The following MCTP1 variants were observed in gnomAD, a reference collection of about 807,000 sequenced individuals.
MCTP1 encodes multiple C2 and transmembrane domain containing 1, also known as multiple C2 and transmembrane domain-containing protein 1.
MCTP1 carries 69 observed loss-of-function variants against 120.6 expected under a neutral mutation model. That is an observed-to-expected ratio of 0.57 (90% CI 0.47 to 0.70). MCTP1 has a LOEUF of 0.70. Ranked by LOEUF, MCTP1 falls within the 30% of genes least tolerant of loss-of-function variation. The probability of loss-of-function intolerance (pLI) is 0.00; values close to 1 mark genes in which losing one functional copy is unlikely to be tolerated. For synonymous variants in MCTP1, 529 were observed against 493.1 expected (o/e 1.07, Z -0.96); for missense variants, 1,203 against 1,248.8 (o/e 0.96, Z 0.55).
chr5:94,711,071 G>C, intron 20 of MCTP1, 144 bp from the exon 21 acceptor site: 1 of 653,936 alleles, frequency 1.5e-6, no homozygotes, highest in Non-Finnish European at 2.7e-6. Context: ...ATCAGAGGAC[G>C]CAGGCTAGCC....
chr5:94,774,534 C>T (rs1561613007), intron 19 of MCTP1, among the ~76,000 whole-genome samples: 1 of 152,112 alleles, frequency 6.6e-6, no homozygotes, highest in Non-Finnish European at 1.5e-5. Flanking sequence ...TATCAATACC[C>T]TGAATGAGTT....
intron 1 of MCTP1, among the ~76,000 whole-genome samples, chr5:95,173,151 C>G (rs1361320540): frequency 1.3e-5 from 2 of 152,106 alleles, no homozygotes; most frequent in African/African-American, 2.4e-5. Context: ...AGAGTAGTTA[C>G]TAAAACATCT....
chr5:95,258,087 CT>C (rs1758081665), intron 1 of MCTP1, among the ~76,000 whole-genome samples: 1 of 152,078 alleles, frequency 6.6e-6, no homozygotes, highest in African/African-American at 2.4e-5. Context: ...AACTTTTCAC[CT>C]TTTAAGGATA....
intron 17 of MCTP1, among the ~76,000 whole-genome samples, chr5:94,830,571 G>A (rs762498158): frequency 2.0e-4 from 31 of 152,240 alleles, no homozygotes; most frequent in Non-Finnish European, 3.5e-4. Context: ...CTGTCATACT[G>A]ATGGTCTTTC....
At chr5:95,044,330 C>G (rs879769226) in intron 1 of MCTP1, among the ~76,000 whole-genome samples, 1 of 152,238 alleles carries the variant, frequency 6.6e-6, no homozygotes, top group African/African-American at 2.4e-5. Flanking sequence ...GGCTTTTTCT[C>G]TCTTTCTGGC....
chr5:95,245,548 A>G (rs552075857), intron 1 of MCTP1, among the ~76,000 whole-genome samples: 66 of 152,312 alleles, frequency 4.3e-4, no homozygotes, highest in Admixed American at 1.6e-3. Context: ...TTCAATAGCC[A>G]ATTTGATCAA....
At chr5:95,120,089 ATG>A (rs200287161) in intron 1 of MCTP1, among the ~76,000 whole-genome samples, 7,823 of 148,716 alleles carry the variant, frequency 0.053, 253 homozygotes, top group Non-Finnish European at 0.078. Context: ...AGGCAGGAGA[ATG>A]GCGTGAACCT....
In MCTP1 at chr5:95,069,243, G is replaced by C. The variant is rs141526017; in HGVS notation, c.721-51759C>G. On this transcript the variant is annotated intron_variant, in intron 1 of 22. Transcript: ENST00000515393. ...TGGTAAGTCAGGGAGTGGAAACAGTGATGAGTGAAATTGACCATAAACTAT... is the reference window on the plus strand; with the variant it reads ...TGGTAAGTCAGGGAGTGGAAACAGTCATGAGTGAAATTGACCATAAACTAT... 2.3e-3 allele frequency among the ~76,000 whole-genome samples: 352 copies of C among 152,314 alleles called. 3 individuals carry two copies. Among genetic ancestry groups the C allele is most frequent in the Middle Eastern group, 0.014 (4 of 294 alleles).
chr5:94,868,750 C>T (rs1797292869), intron 16 of MCTP1, among the ~76,000 whole-genome samples: 1 of 151,786 alleles, frequency 6.6e-6, no homozygotes, highest in Non-Finnish European at 1.5e-5. Context: ...TACTTACATA[C>T]TATGCACCTT....
intron 1 of MCTP1, among the ~76,000 whole-genome samples, chr5:95,118,023 G>T (rs1327107872): frequency 6.6e-6 from 1 of 152,120 alleles, no homozygotes; most frequent in African/African-American, 2.4e-5. Flanking sequence ...CCTGTCAAGG[G>T]GTGAGGTGGA....
chr5:94,876,053 A>G (rs1462954856), intron 12 of MCTP1, among the ~76,000 whole-genome samples: 1 of 152,172 alleles, frequency 6.6e-6, no homozygotes, highest in African/African-American at 2.4e-5. Context: ...TAAATGTACA[A>G]CATCAAATTC....
chr5:94,898,555 T>C (rs144067921), intron 10 of MCTP1, among the ~76,000 whole-genome samples: 176 of 152,372 alleles, frequency 1.2e-3, no homozygotes, highest in African/African-American at 3.9e-3. Flanking sequence ...GATTCTTCTA[T>C]ATTTGGCTCA....
intron 1 of MCTP1, among the ~76,000 whole-genome samples, chr5:95,273,087 G>A (rs865821208): frequency 3.3e-5 from 5 of 152,248 alleles, no homozygotes; most frequent in Non-Finnish European, 7.3e-5. Context: ...CCCACAGGGC[G>A]CAGGAGGCAA....
In MCTP1 at chr5:94,947,577, TAGAGAGAGAGAGAGAGAGAGAG is replaced by T. The variant is rs3030518; in HGVS notation, c.982-5172_982-5151del. On this transcript the variant is annotated intron_variant, in intron 3 of 22. Coordinates refer to ENST00000515393, the MANE Select transcript of MCTP1 (RefSeq NM_024717.7). ...CTAAATATATATATATATATATATA[TAGAGAGAGAGAGAGAGAGAGAG>T]AGAGAGAGAGAGAGAGAGAGAGAAA... is the stretch of plus-strand genomic sequence containing the variant. Among the ~76,000 whole-genome samples, 17 of 47,398 alleles carry T rather than the reference TAGAGAGAGAGAGAGAGAGAGAG, an allele frequency of 3.6e-4. 1 individual carries two copies. Among genetic ancestry groups the T allele is most frequent in the Non-Finnish European group, 6.4e-4 (16 of 25,020 alleles). 31.1% of individuals were successfully genotyped at this position (47,398 alleles called of 152,430 possible). A position where few individuals can be genotyped will look rare whatever the true frequency, so the allele number is the denominator to read the frequency against.
chr5:95,175,768 C>CAG (rs1747896322), intron 1 of MCTP1, among the ~76,000 whole-genome samples: 1 of 152,196 alleles, frequency 6.6e-6, no homozygotes, highest in Non-Finnish European at 1.5e-5. Context: ...GCACGGCCCT[C>CAG]AGAGGCCCAC....
chr5:95,183,122 A>T (rs1748802412), intron 1 of MCTP1, among the ~76,000 whole-genome samples: 1 of 152,120 alleles, frequency 6.6e-6, no homozygotes. Context: ...AACAGAATAG[A>T]GTCCAGAAAT....
At chr5:95,271,260 C>A (rs1455057394) in intron 1 of MCTP1, among the ~76,000 whole-genome samples, 1 of 152,090 alleles carries the variant, frequency 6.6e-6, no homozygotes, top group African/African-American at 2.4e-5. Flanking sequence ...CACTGCGAGA[C>A]ATTAGCATGG....
chr5:95,147,118 A>C (rs1016587402), intron 1 of MCTP1, among the ~76,000 whole-genome samples: 6 of 151,728 alleles, frequency 4.0e-5, no homozygotes, highest in African/African-American at 1.5e-4. Context: ...ACAGAGTCTC[A>C]CTCTGTTGAC....
At chr5:94,992,660 A>G (rs924423613) in intron 2 of MCTP1, among the ~76,000 whole-genome samples, 7 of 152,190 alleles carry the variant, frequency 4.6e-5, no homozygotes, top group Admixed American at 3.3e-4. Flanking sequence ...AACAGATGGC[A>G]AATGGGAATT....
Sources: allele counts gnomAD v4.1 joint callset (sites outside exome capture counted in the v4.1 genomes callset), GRCh38; gene constraint gnomAD v4.1.1; transcripts MANE v1.5; gene names NCBI Gene and HGNC (gene_info 2026-07-23, HGNC 2026-07-21).